The following RPL38 variants were observed in gnomAD, a reference collection of about 807,000 sequenced individuals.
The protein encoded by RPL38 is ribosomal protein L38.
In RPL38, 2 loss-of-function variants were observed where a neutral mutation model predicts 12.8. The observed-to-expected ratio is 0.16, with a 90% CI of 0.06 to 0.49. RPL38 has a LOEUF of 0.49. Among genes scored for constraint, RPL38 ranks in the 20% least tolerant of loss-of-function variants. The probability of loss-of-function intolerance (pLI) is 0.96; values close to 1 mark genes in which losing one functional copy is unlikely to be tolerated. For missense variants in RPL38, 52 were observed against 79.8 expected (o/e 0.65, Z 1.33); for synonymous variants, 42 against 30.1 (o/e 1.39, Z -1.29).
At position 74,209,978 on chromosome 17, in the gene RPL38, CTTTTTT is replaced by C; in HGVS notation, c.*163_*168del. 4.2e-5 allele frequency: 15 copies of C among 356,246 alleles called. No homozygotes were observed. The highest frequency in any genetic ancestry group is 1.1e-4 in the East Asian group (2 of 17,600). The allele number at this position is 356,246 out of a possible 1,614,324, so 22.1% of individuals were successfully genotyped here. A position where few individuals can be genotyped will look rare whatever the true frequency, so the allele number is the denominator to read the frequency against. ...GGGTTCTGTTGCTGCCTTCCTGTGT[CTTTTTT>C]TTTTTTTTTTTTTCTTTCTTTGAGA... On this transcript the variant is annotated 3_prime_UTR_variant, in exon 5 of 5. Transcript: ENST00000311111.
At chr17:74,206,385 G>A (rs1387455092) in intron 3 of RPL38, 3 of 152,174 alleles carry the variant, frequency 2.0e-5, no homozygotes, top group Non-Finnish European at 2.9e-5. Flanking sequence ...AGTGAGCCAC[G>A]ATTATGCTAC....
chr17:74,204,210 G>A lies in RPL38; in HGVS notation c.64+20G>A, dbSNP rs1374114524. 2 of 1,612,840 alleles carry A rather than the reference G, an allele frequency of 1.2e-6. No individual in the cohort carries two copies. The highest frequency in any genetic ancestry group is 2.2e-5 in the East Asian group (1 of 44,882). On this transcript the variant is annotated intron_variant, in intron 3 of 4. Coordinates refer to ENST00000311111, the MANE Select transcript of RPL38 (RefSeq NM_000999.4). ...CCAAATGTAAGTGGTTGCTCCGAAGGTTCAAGAAGAGCGGTGCCTAGCCTG... is the reference window on the plus strand; with the variant it reads ...CCAAATGTAAGTGGTTGCTCCGAAGATTCAAGAAGAGCGGTGCCTAGCCTG...
In RPL38 at chr17:74,204,074, A is replaced by G. The variant is rs761546068; in HGVS notation, c.4-56A>G. 2.0e-5 allele frequency: 32 copies of G among 1,611,600 alleles called. No individual in the cohort carries two copies. The African/African-American group carries it at 3.1e-4, about 15-fold the overall frequency. On this transcript the variant is annotated intron_variant, in intron 2 of 4. Coordinates refer to ENST00000311111, the MANE Select transcript of RPL38 (RefSeq NM_000999.4). ...CCGGGAGAAGCTGGTGGACTGGGCC[A>G]TCGCCGGGAGACGTGTCTCTTTCCT...
At chr17:74,204,580 A>C (rs1316857835) in intron 3 of RPL38, 1 of 276,826 alleles carries the variant, frequency 3.6e-6, no homozygotes, top group Non-Finnish European at 7.0e-6. Flanking sequence ...AAAGTGCTGG[A>C]TATTTGCATG....
chr17:74,209,628 C>T (rs553689448), intron 4 of RPL38, among the ~76,000 whole-genome samples, 176 bp from the exon 5 acceptor site: 48 of 152,190 alleles, frequency 3.2e-4, no homozygotes, highest in Non-Finnish European at 6.2e-4. Flanking sequence ...GTCTTTTTAT[C>T]GAATATAATA....
In RPL38 at chr17:74,203,831, T is replaced by G. The variant is rs1404982214; in HGVS notation, c.-39+86T>G. ...GTCGGGGAGGAGAAGGGGAGTGCGA[T>G]GGGGCCGATATTTCGGGGGAGAGCG... On this transcript the variant is annotated intron_variant, in intron 1 of 4. Coordinates refer to ENST00000311111, the MANE Select transcript of RPL38 (RefSeq NM_000999.4). 8.0e-6 allele frequency: 10 copies of G among 1,244,036 alleles called. No individual in the cohort carries two copies. The Admixed American group carries it at 2.6e-4, about 32-fold the overall frequency. The allele number at this position is 1,244,036 out of a possible 1,614,324, so 77.1% of individuals were successfully genotyped here.
chr17:74,209,922 C>T lies in RPL38; in HGVS notation c.*93C>T. The T allele has an allele frequency of 9.8e-7, 1 of 1,016,552 alleles. No homozygotes were observed. Among genetic ancestry groups the T allele is most frequent in the Non-Finnish European group, 1.6e-6 (1 of 640,850 alleles). 63.0% of individuals were successfully genotyped at this position (1,016,552 alleles called of 1,614,324 possible). ...CGGATGGGAAAGGGAAAAATGCTAC[C>T]TCGTAGTGGCTTCTGATGGGAACAG... On this transcript the variant is annotated 3_prime_UTR_variant, in exon 5 of 5. Transcript: ENST00000311111.
intron 3 of RPL38, chr17:74,205,766 A>G (rs2050107825): frequency 6.6e-6 from 1 of 152,138 alleles, no homozygotes; most frequent in South Asian, 2.1e-4. Context: ...CATGCCTATA[A>G]TTCCAGCACT....
In RPL38 at chr17:74,209,980, T is replaced by A; in HGVS notation, c.*151T>A. On this transcript the variant is annotated 3_prime_UTR_variant, in exon 5 of 5. Transcript: ENST00000311111. ...GTTCTGTTGCTGCCTTCCTGTGTCT[T>A]TTTTTTTTTTTTTTTTTCTTTCTTT... The A allele has an allele frequency of 9.7e-5, 19 of 195,448 alleles. No individual in the cohort carries two copies. The highest frequency in any genetic ancestry group is 2.0e-4 in the East Asian group (2 of 10,214). 12.1% of individuals were successfully genotyped at this position (195,448 alleles called of 1,614,324 possible). A position where few individuals can be genotyped will look rare whatever the true frequency, so the allele number is the denominator to read the frequency against.
intron 3 of RPL38, among the ~76,000 whole-genome samples, chr17:74,208,126 A>G (rs138909535): frequency 1.2e-3 from 181 of 152,306 alleles, no homozygotes; most frequent in African/African-American, 4.1e-3. Flanking sequence ...TTGAAGTGTT[A>G]GAGCCCATGT....
chr17:74,204,333 G>A (rs2050090837), intron 3 of RPL38, 143 bp downstream of exon 3: 1 of 696,318 alleles, frequency 1.4e-6, no homozygotes, highest in East Asian at 2.6e-5. Context: ...GTTTCATCCT[G>A]TTTCCCATGA....
Position 74,203,695 on chromosome 17 carries a change from C to G in RPL38, c.-89C>G, listed in dbSNP as rs76291586. On this transcript the variant is annotated 5_prime_UTR_variant, in exon 1 of 5. Coordinates refer to ENST00000311111, the MANE Select transcript of RPL38 (RefSeq NM_000999.4). ...GTCTCGTTCTTTTTCGTCCTTTTCC[C>G]CGGTTGCTGCTTGCTGTGAGTGTCT... 10 of 505,000 alleles carry G rather than the reference C, an allele frequency of 2.0e-5. No homozygotes were observed. The highest frequency in any genetic ancestry group is 7.1e-5 in the Admixed American group (2 of 28,016). 31.3% of individuals were successfully genotyped at this position (505,000 alleles called of 1,614,324 possible).
At chr17:74,209,696 A>G in intron 4 of RPL38, 108 bp from the exon 5 acceptor site, 1 of 940,788 alleles carries the variant, frequency 1.1e-6, no homozygotes, top group South Asian at 1.4e-5. Flanking sequence ...TGGTGGATCT[A>G]ATTTCTGAAC....
intron 3 of RPL38, among the ~76,000 whole-genome samples, chr17:74,208,656 C>G (rs2050137117): frequency 6.6e-6 from 1 of 152,148 alleles, no homozygotes; most frequent in African/African-American, 2.4e-5. Context: ...AGATAATAGG[C>G]CAGGTGCGGT....
At chr17:74,207,651 G>A (rs1192108914) in intron 3 of RPL38, among the ~76,000 whole-genome samples, 3 of 152,014 alleles carry the variant, frequency 2.0e-5, no homozygotes, top group Non-Finnish European at 4.4e-5. Flanking sequence ...CTGAGTAGCT[G>A]GGATTACAGG....
intron 2 of RPL38, 50 bp from the exon 3 acceptor site, chr17:74,204,080 G>T (rs759549816): frequency 3.1e-6 from 5 of 1,611,866 alleles, no homozygotes; most frequent in African/African-American, 1.3e-5. Flanking sequence ...GGCCATCGCC[G>T]GGAGACGTGT....
chr17:74,205,459 G>A (rs764324929), intron 3 of RPL38: 3 of 152,332 alleles, frequency 2.0e-5, no homozygotes, highest in Non-Finnish European at 2.9e-5. Flanking sequence ...TCAATGAGTT[G>A]GGGGTAGGCA....
At chr17:74,209,349 T>G (rs1271752095) in intron 4 of RPL38, 40 bp downstream of exon 4, 1 of 1,605,968 alleles carries the variant, frequency 6.2e-7, no homozygotes, top group East Asian at 2.2e-5. Flanking sequence ...GGGTGGGGTT[T>G]GGAAGGTTGC....
In RPL38 at chr17:74,210,378, ATGG is replaced by A. The variant is rs1343461914; in HGVS notation, c.*553_*555del. On this transcript the variant is annotated 3_prime_UTR_variant, in exon 5 of 5. Coordinates refer to ENST00000311111, the MANE Select transcript of RPL38 (RefSeq NM_000999.4). Reference sequence around the variant, plus strand: ...AACATAACTGGCAGATGTGGGAGCGATGGTGGGGCATGCCATTCAAACAGGTCC... The same window carrying A: ...AACATAACTGGCAGATGTGGGAGCGATGGGGCATGCCATTCAAACAGGTCC... 1.7e-4 allele frequency: 26 copies of A among 153,118 alleles called. No individual in the cohort carries two copies. Among genetic ancestry groups the A allele is most frequent in the Admixed American group, 1.7e-3 (26 of 15,360 alleles). The allele number at this position is 153,118 out of a possible 1,614,324, so 9.5% of individuals were successfully genotyped here.
Sources: gnomAD v4.1 joint callset for allele counts (sites outside exome capture counted in the v4.1 genomes callset) on GRCh38, gnomAD v4.1.1 for gene constraint, MANE v1.5 for transcripts, NCBI Gene and HGNC (gene_info 2026-07-23, HGNC 2026-07-21) for gene names.